CRISP1: variants seen among roughly 807,000 people sequenced by gnomAD.
CRISP1 encodes the protein cysteine-rich secretory protein 1.
A neutral mutation model predicts 33.1 loss-of-function variants in CRISP1; 44 were observed. The ratio of observed to expected loss-of-function variants is 1.33; its 90% confidence interval spans 1.05 to 1.71. The LOEUF is 1.71. Ranked by LOEUF, CRISP1 falls within the 40% of genes most tolerant of loss-of-function variation. The pLI is 0.00. For synonymous variants in CRISP1, 103 were observed against 98.7 expected (o/e 1.04, Z -0.26); for missense variants, 390 against 301.2 (o/e 1.29, Z -2.18).
upstream of CRISP1, among the ~76,000 whole-genome samples, chr6:49,871,320 G>A (rs938301861): frequency 3.3e-5 from 5 of 151,994 alleles, no homozygotes; most frequent in African/African-American, 1.2e-4. Context: ...ATGATCACAT[G>A]GCTTCAGGAA....
rs368757201 is a variant in CRISP1 at position 49,876,133 on chromosome 6, G to A, written c.-3+876C>T. Reference sequence around the variant, plus strand: ...CTACAGAATGGGAGAAAATTTTTTCGGTCTATTCATCTGACAAAGGTCTAA... The same window carrying A: ...CTACAGAATGGGAGAAAATTTTTTCAGTCTATTCATCTGACAAAGGTCTAA... On this transcript the variant is annotated intron_variant, in intron 1 of 7. Transcript: ENST00000505118. Among the ~76,000 whole-genome samples the A allele has an allele frequency of 5.9e-4, 90 of 151,872 alleles. 1 individual carries two copies. Among genetic ancestry groups the A allele is most frequent in the African/African-American group, 2.1e-3 (87 of 41,446 alleles).
intron 1 of CRISP1, among the ~76,000 whole-genome samples, chr6:49,875,811 G>C (rs1002656041): frequency 2.6e-5 from 4 of 151,212 alleles, no homozygotes; most frequent in Non-Finnish European, 5.9e-5. Flanking sequence ...TATTTCTATT[G>C]AATAAATGGT....
At chr6:49,839,151 C>T (rs909641697) in intron 6 of CRISP1, among the ~76,000 whole-genome samples, 4 of 151,402 alleles carry the variant, frequency 2.6e-5, no homozygotes, top group African/African-American at 4.8e-5. Context: ...TTAGAAAAGA[C>T]GGGCAGGGCT....
chr6:49,838,493 T>C lies in CRISP1; in HGVS notation c.566A>G (p.Tyr189Cys), dbSNP rs1361879922. Residue 189 changes from tyrosine (Y) to cysteine (C), a missense_variant, in exon 7 of 8, where the codon TAT becomes TGT. Coordinates refer to ENST00000335847, the MANE Select transcript of CRISP1 (RefSeq NM_001131.3). ...GGCTTCACATGGGACGCCTGTCTTA[T>C]AAGGTTCATTCTTTGTTTCAGGATC... The part of the protein sequence containing the change: ...GNDPETKNEP[Y>C]KTGVPCEACP... 8 of 1,613,410 alleles carry C rather than the reference T, an allele frequency of 5.0e-6. No individual in the cohort carries two copies. Among genetic ancestry groups the C allele is most frequent in the Admixed American group, 3.3e-5 (2 of 59,938 alleles).
At chr6:49,863,372 A>T (rs1289288708) in intron 1 of CRISP1, among the ~76,000 whole-genome samples, 1 of 152,212 alleles carries the variant, frequency 6.6e-6, no homozygotes, top group Non-Finnish European at 1.5e-5. Context: ...CCAAGGAATT[A>T]CATAGCTGCT....
At chr6:49,837,639 AG>A (rs796426823) in intron 7 of CRISP1, among the ~76,000 whole-genome samples, 5 of 152,304 alleles carry the variant, frequency 3.3e-5, no homozygotes, top group African/African-American at 1.2e-4. Context: ...TTACTTTAAA[AG>A]ACAATAAAGT....
chr6:49,869,975 G>A (rs911459665), upstream of CRISP1, among the ~76,000 whole-genome samples: 2 of 152,110 alleles, frequency 1.3e-5, no homozygotes, highest in East Asian at 3.9e-4. Context: ...CCATCTATAA[G>A]GAACAGGTCC....
At chr6:49,836,438 C>A (rs902569369) in intron 7 of CRISP1, among the ~76,000 whole-genome samples, 14 of 151,426 alleles carry the variant, frequency 9.2e-5, no homozygotes, top group Non-Finnish European at 1.9e-4. Context: ...CGGGTTCACG[C>A]CATTCTCCTG....
chr6:49,870,767 T>C (rs1488928191), upstream of CRISP1, among the ~76,000 whole-genome samples: 1 of 152,180 alleles, frequency 6.6e-6, no homozygotes. Context: ...CAAATTTTGC[T>C]TAAGGTTGTT....
chr6:49,863,936 C>A (rs1771725035), intron 1 of CRISP1, among the ~76,000 whole-genome samples: 2 of 152,166 alleles, frequency 1.3e-5, no homozygotes, highest in Admixed American at 1.3e-4. Context: ...TATAACACAG[C>A]ATGCAAGTCT....
upstream of CRISP1, among the ~76,000 whole-genome samples, chr6:49,867,144 T>TA (rs1771818221): frequency 6.6e-6 from 1 of 152,116 alleles, no homozygotes; most frequent in Non-Finnish European, 1.5e-5. Context: ...CACTAAATTG[T>TA]AAAACACTAA....
chr6:49,853,978 A>G (rs1004008053), intron 2 of CRISP1, among the ~76,000 whole-genome samples: 1 of 152,150 alleles, frequency 6.6e-6, no homozygotes, highest in African/African-American at 2.4e-5. Flanking sequence ...AATCAATTCT[A>G]ATGAATTGTT....
intron 2 of CRISP1, among the ~76,000 whole-genome samples, chr6:49,855,110 A>C (rs947343638): frequency 3.9e-5 from 6 of 152,020 alleles, no homozygotes; most frequent in African/African-American, 1.4e-4. Context: ...TAAGGAACAA[A>C]CACACTCTTT....
rs1219253862 is a variant in CRISP1, at chr6:49,835,442, A to G, written c.624T>C (p.Thr208=). 6.2e-7 allele frequency: 1 copy of G among 1,612,698 alleles called. No individual in the cohort carries two copies. Among genetic ancestry groups the G allele is most frequent in the Non-Finnish European group, 8.5e-7 (1 of 1,179,374 alleles). ...CPSNCEDKLC[T]NPCIYYDEYF... ...ATTCATCATAGTAGATGCAGGGGTT[A>G]GCTGAAAGAAAATAGTATGGTTTTA... Residue 208 remains threonine (T), a splice_region_variant and synonymous_variant, in exon 8 of 8, where the codon ACT becomes ACC. Coordinates refer to ENST00000335847, the MANE Select transcript of CRISP1 (RefSeq NM_001131.3).
At chr6:49,838,618 T>G (rs1359178729) in intron 6 of CRISP1, 93 bp from the exon 7 acceptor site, 4 of 823,692 alleles carry the variant, frequency 4.9e-6, no homozygotes, top group East Asian at 2.7e-5. Flanking sequence ...AAAAACAAAT[T>G]GTGTAAACAT....
intron 1 of CRISP1, among the ~76,000 whole-genome samples, chr6:49,865,082 C>T (rs1771764405): frequency 6.6e-6 from 1 of 152,004 alleles, no homozygotes; most frequent in Admixed American, 6.6e-5. Context: ...ATTTACAATA[C>T]CAAGTATTAA....
chr6:49,848,322 G>A (rs771937505), intron 3 of CRISP1, 23 bp from the exon 4 acceptor site: 17 of 1,350,812 alleles, frequency 1.3e-5, no homozygotes, highest in Middle Eastern at 1.8e-4. Context: ...GAAAAAAAAA[G>A]CACATGTTCC....
intron 1 of CRISP1, among the ~76,000 whole-genome samples, chr6:49,861,275 A>T (rs892042867): frequency 3.3e-5 from 5 of 152,152 alleles, no homozygotes; most frequent in Non-Finnish European, 5.9e-5. Context: ...CCAAAACCAG[A>T]CAAGGATGCA....
chr6:49,841,660 G>C (rs903243761), intron 5 of CRISP1, among the ~76,000 whole-genome samples: 1 of 152,110 alleles, frequency 6.6e-6, no homozygotes, highest in African/African-American at 2.4e-5. Context: ...AAGGCTGCTT[G>C]GTGGTTATAT....
Sources: allele counts gnomAD v4.1 joint callset (sites outside exome capture counted in the v4.1 genomes callset), GRCh38; gene constraint gnomAD v4.1.1; transcripts MANE v1.5; gene names NCBI Gene and HGNC (gene_info 2026-07-23, HGNC 2026-07-21).